The following DTNA variants were observed in gnomAD, a reference collection of about 807,000 sequenced individuals.
DTNA encodes the protein dystrophin-related protein 3.
A neutral mutation model predicts 100.7 loss-of-function variants in DTNA; 43 were observed. The observed-to-expected ratio is 0.43, with a 90% CI of 0.33 to 0.55. The LOEUF (loss-of-function observed/expected upper bound fraction) is 0.55. Among genes scored for constraint, DTNA ranks in the 20% least tolerant of loss-of-function variants. The pLI, the probability that DTNA is intolerant of heterozygous loss-of-function variation, is 0.04. For synonymous variants in DTNA, 349 were observed against 347.9 expected (o/e 1.00, Z -0.04); for missense variants, 798 against 953.9 (o/e 0.84, Z 2.15).
chr18:34,521,391 GCTTCCATGGCTAGT>G (rs1356317515), intron 1 of DTNA, among the ~76,000 whole-genome samples: 1 of 152,028 alleles, frequency 6.6e-6, no homozygotes. Context: ...TCCTCCTTCG[GCTTCCATGGCTAGT>G]CCTTCAGAAT....
chr18:34,877,778 A>T lies in DTNA; in HGVS notation c.1963A>T (p.Met655Leu). The change falls in exon 19 of 23, where the codon ATG becomes TTG. Residue 655 changes from methionine (M) to leucine (L), a missense_variant. Physicochemically the swap from Met to Leu is conservative, Grantham distance 15. Around this residue, in one of 6 missense-constraint regions of DTNA, gnomAD observed 242 missense variants for 238.2 expected, o/e 1.02. Transcript: ENST00000444659. Reference protein sequence around the residue: ...LVAADSITNTMSSLVKELNSE... With the variant: ...LVAADSITNTLSSLVKELNSE... ...GGCTGCAGATTCCATCACTAACACT[A>T]TGTCCTCTCTTGTGAAAGAGCTGAA... 6.2e-7 allele frequency: 1 copy of T among 1,613,930 alleles called. No homozygotes were observed. Among genetic ancestry groups the T allele is most frequent in the Non-Finnish European group, 8.5e-7 (1 of 1,179,896 alleles).
intron 1 of DTNA, among the ~76,000 whole-genome samples, chr18:34,723,591 T>G (rs538226856): frequency 8.2e-4 from 125 of 152,138 alleles, no homozygotes; most frequent in African/African-American, 2.9e-3. Flanking sequence ...ACATAAGATG[T>G]TCACAACTAA....
At chr18:34,511,294 C>T (rs1048849053) in intron 1 of DTNA, among the ~76,000 whole-genome samples, 1 of 151,992 alleles carries the variant, frequency 6.6e-6, no homozygotes, top group African/African-American at 2.4e-5. Context: ...CTGTTATGAA[C>T]AATTTTAAAC....
At chr18:34,847,478 T>C (rs1278579038) in intron 13 of DTNA, among the ~76,000 whole-genome samples, 1 of 152,208 alleles carries the variant, frequency 6.6e-6, no homozygotes, top group Non-Finnish European at 1.5e-5. Context: ...TCTCAGAATT[T>C]CTGTAGGTTG....
At chr18:34,743,254 T>C (rs1244662161) in intron 1 of DTNA, among the ~76,000 whole-genome samples, 1 of 152,150 alleles carries the variant, frequency 6.6e-6, no homozygotes, top group Non-Finnish European at 1.5e-5. Context: ...CTGCTGGAGA[T>C]CTTGCAGCCA....
In DTNA at chr18:34,585,945, T is replaced by C. The variant is rs563660330; in HGVS notation, c.-2+92431T>C. 9.0e-4 allele frequency among the ~76,000 whole-genome samples: 137 copies of C among 152,176 alleles called. 1 individual carries two copies. The highest frequency in any genetic ancestry group is 1.4e-3 in the Non-Finnish European group (95 of 68,032). ...TAAAGAACATGAATGCCATGAATAC[T>C]AGAGCTTTGTGGTTTTCAAGCAGTG... On this transcript the variant is annotated intron_variant, in intron 1 of 19. Coordinates refer to the DTNA transcript ENST00000283365.
At chr18:34,565,078 G>A (rs998579105) in intron 1 of DTNA, among the ~76,000 whole-genome samples, 2 of 152,130 alleles carry the variant, frequency 1.3e-5, no homozygotes, top group African/African-American at 4.8e-5. Context: ...ATTGTAATAT[G>A]TAAGTAGGCA....
chr18:34,616,453 C>T (rs1426352057), intron 1 of DTNA, among the ~76,000 whole-genome samples: 3 of 152,234 alleles, frequency 2.0e-5, no homozygotes, highest in Middle Eastern at 3.4e-3. Context: ...TATTTGCAAA[C>T]TATGCATATG....
intron 1 of DTNA, among the ~76,000 whole-genome samples, chr18:34,551,843 A>G (rs1322279989): frequency 6.6e-6 from 1 of 152,110 alleles, no homozygotes; most frequent in Non-Finnish European, 1.5e-5. Context: ...ATGAAAATTT[A>G]CCTCTGTGAC....
intron 1 of DTNA, among the ~76,000 whole-genome samples, chr18:34,717,660 A>G (rs981833239): frequency 1.2e-4 from 18 of 152,206 alleles, no homozygotes; most frequent in Non-Finnish European, 7.3e-5. Flanking sequence ...TTGATTCAGG[A>G]AATCCTTGGA....
chr18:34,888,941 G>A lies in DTNA; in HGVS notation c.*1207G>A. 1.0e-6 allele frequency: 1 copy of A among 985,878 alleles called. No homozygotes were observed. Among genetic ancestry groups the A allele is most frequent in the Non-Finnish European group, 1.2e-6 (1 of 829,950 alleles). The allele number at this position is 985,878 out of a possible 1,614,324, so 61.1% of individuals were successfully genotyped here. A position where few individuals can be genotyped will look rare whatever the true frequency, so the allele number is the denominator to read the frequency against. ...TTCTGTGGTCATGTGAAAGGAGACAGGCTCTTCTAAGTTGAGTTGGGATTT... is the reference window on the plus strand; with the variant it reads ...TTCTGTGGTCATGTGAAAGGAGACAAGCTCTTCTAAGTTGAGTTGGGATTT... On this transcript the variant is annotated 3_prime_UTR_variant, in exon 23 of 23. Transcript: ENST00000444659.
At chr18:34,790,372 G>C (rs1358914282) in intron 3 of DTNA, among the ~76,000 whole-genome samples, 1 of 147,362 alleles carries the variant, frequency 6.8e-6, no homozygotes. Flanking sequence ...CAGGGTTTCT[G>C]ATCCAGCCCA....
intron 1 of DTNA, among the ~76,000 whole-genome samples, chr18:34,589,314 T>C (rs1279165469): frequency 1.3e-5 from 2 of 152,158 alleles, no homozygotes; most frequent in Admixed American, 6.6e-5. Context: ...GTTACTTTCA[T>C]GTGTGTGTAT....
At chr18:34,775,831 A>C (rs2094018321) in intron 3 of DTNA, among the ~76,000 whole-genome samples, 1 of 152,240 alleles carries the variant, frequency 6.6e-6, no homozygotes, top group South Asian at 2.1e-4. Context: ...TGCCATACTT[A>C]ACTCCTTAAC....
intron 1 of DTNA, among the ~76,000 whole-genome samples, chr18:34,500,887 A>G (rs1197500467): frequency 1.3e-5 from 2 of 152,188 alleles, no homozygotes; most frequent in African/African-American, 2.4e-5. Context: ...TATGTAGACC[A>G]CCATCATGTA....
intron 1 of DTNA, among the ~76,000 whole-genome samples, chr18:34,505,877 T>A (rs890106035): frequency 2.0e-4 from 31 of 152,178 alleles, no homozygotes; most frequent in Admixed American, 2.0e-4. Context: ...ATCTTCCCGG[T>A]TCTTGGTATG....
At chr18:34,534,007 A>G (rs2043422386) in intron 1 of DTNA, among the ~76,000 whole-genome samples, 1 of 152,106 alleles carries the variant, frequency 6.6e-6, no homozygotes, top group South Asian at 2.1e-4. Context: ...GCCCTTAACT[A>G]TGTTGAACCT....
intron 1 of DTNA, among the ~76,000 whole-genome samples, chr18:34,543,528 C>A (rs889647366): frequency 4.6e-5 from 7 of 152,032 alleles, no homozygotes; most frequent in African/African-American, 7.2e-5. Context: ...GCACCTGTTA[C>A]AATTCTCATG....
At chr18:34,671,814 A>G (rs186534810) in intron 1 of DTNA, among the ~76,000 whole-genome samples, 1 of 152,184 alleles carries the variant, frequency 6.6e-6, no homozygotes, top group Non-Finnish European at 1.5e-5. Flanking sequence ...AGACACAGTT[A>G]TACCAGATCA....
Sources: gnomAD v4.1 joint callset for allele counts (sites outside exome capture counted in the v4.1 genomes callset) on GRCh38, gnomAD v4.1.1 for gene constraint, gnomAD v4.1.1 regional missense constraint, MANE v1.5 for transcripts, NCBI Gene and HGNC (gene_info 2026-07-23, HGNC 2026-07-21) for gene names.